Variants in PKNOX2 observed in about 807,000 individuals in gnomAD.
The protein encoded by PKNOX2 is homeobox protein PKNOX2.
Under a neutral mutation model 53.1 loss-of-function variants are expected in PKNOX2, and 14 were observed. The ratio of observed to expected loss-of-function variants is 0.26; its 90% CI spans 0.17 to 0.41. The LOEUF (loss-of-function observed/expected upper bound fraction) is 0.41. PKNOX2 is among the 10% of genes least tolerant of loss of function. The pLI, the probability that PKNOX2 is intolerant of heterozygous loss-of-function variation, is 1.00. For synonymous variants in PKNOX2, 257 were observed against 242.8 expected, an observed-to-expected ratio of 1.06 and a Z score of -0.54; for missense variants, 496 against 602.8, an observed-to-expected ratio of 0.82 and a Z score of 1.85.
chr11:125,351,304 C>T lies in PKNOX2; in HGVS notation c.-2C>T, dbSNP rs1171174156. The T allele has an allele frequency of 6.3e-7, 1 of 1,591,610 alleles. No individual in the cohort carries two copies. The highest frequency in any genetic ancestry group is 8.6e-7 in the Non-Finnish European group (1 of 1,161,944). Reference sequence around the variant, plus strand: ...CACAGGTCCTCCATGTGAATCAATCCCATGATGCAACATGCCTCCCCAGCC... The same window carrying T: ...CACAGGTCCTCCATGTGAATCAATCTCATGATGCAACATGCCTCCCCAGCC... On this transcript the variant is annotated 5_prime_UTR_variant, in exon 4 of 13. Coordinates refer to ENST00000298282, the MANE Select transcript of PKNOX2 (RefSeq NM_001382323.2).
intron 2 of PKNOX2, among the ~76,000 whole-genome samples, chr11:125,278,569 C>T (rs1946336377): frequency 6.6e-6 from 1 of 152,166 alleles, no homozygotes; most frequent in Admixed American, 6.5e-5. Context: ...GACTGAGGGC[C>T]TCGGGATGGC....
intron 10 of PKNOX2, among the ~76,000 whole-genome samples, chr11:125,418,584 C>T (rs942026329): frequency 6.6e-6 from 1 of 151,994 alleles, no homozygotes; most frequent in Non-Finnish European, 1.5e-5. Flanking sequence ...AAGGAGGGCA[C>T]GTGGAGGTGA....
chr11:125,397,830 A>G, intron 6 of PKNOX2, 44 bp from the exon 7 acceptor site: 1 of 1,555,956 alleles, frequency 6.4e-7, no homozygotes, highest in South Asian at 1.2e-5. Context: ...AGTGAGGGAA[A>G]TGGGATGCAA....
intron 2 of PKNOX2, among the ~76,000 whole-genome samples, chr11:125,284,469 A>G (rs1437543585): frequency 6.6e-6 from 1 of 152,240 alleles, no homozygotes; most frequent in African/African-American, 2.4e-5. Context: ...ATCGCCAGAG[A>G]ACCAACTTAA....
chr11:125,278,217 TA>T (rs530102994), intron 2 of PKNOX2, among the ~76,000 whole-genome samples: 3,313 of 82,840 alleles, frequency 0.04, 52 homozygotes, highest in African/African-American at 0.072. Flanking sequence ...AGACCCTGTC[TA>T]AAAAAAAAAA....
chr11:125,416,131 G>A (rs561544664), intron 10 of PKNOX2, among the ~76,000 whole-genome samples: 6 of 151,280 alleles, frequency 4.0e-5, no homozygotes, highest in East Asian at 1.9e-4. Context: ...GTGAAACCCC[G>A]TCTCTACTAA....
At chr11:125,260,433 G>A (rs563673192) in intron 2 of PKNOX2, among the ~76,000 whole-genome samples, 13 of 151,796 alleles carry the variant, frequency 8.6e-5, no homozygotes, top group Admixed American at 2.0e-4. Flanking sequence ...TCCTGACCTC[G>A]TGATCTGCCT....
At chr11:125,205,024 C>G (rs994340219) in intron 1 of PKNOX2, among the ~76,000 whole-genome samples, 3 of 152,238 alleles carry the variant, frequency 2.0e-5, no homozygotes, top group Non-Finnish European at 4.4e-5. Flanking sequence ...GGTAGGGACT[C>G]TTGCTGTTGC....
intron 4 of PKNOX2, among the ~76,000 whole-genome samples, chr11:125,359,111 G>A (rs1405685160): frequency 6.6e-6 from 1 of 151,826 alleles, no homozygotes; most frequent in Non-Finnish European, 1.5e-5. Flanking sequence ...CATCGGAAAG[G>A]CAGGAAGGTG....
intron 1 of PKNOX2, among the ~76,000 whole-genome samples, chr11:125,193,505 G>A (rs1237433804): frequency 2.6e-5 from 4 of 152,150 alleles, no homozygotes; most frequent in Non-Finnish European, 5.9e-5. Context: ...CAAGTTGGCC[G>A]CTTTAATTTA....
At chr11:125,247,768 G>C (rs1436770887) in intron 2 of PKNOX2, among the ~76,000 whole-genome samples, 1 of 152,136 alleles carries the variant, frequency 6.6e-6, no homozygotes, top group African/African-American at 2.4e-5. Flanking sequence ...CCAGCCTCAG[G>C]ATATGGGATC....
At chr11:125,397,151 A>G (rs888681792) in intron 6 of PKNOX2, among the ~76,000 whole-genome samples, 2 of 152,230 alleles carry the variant, frequency 1.3e-5, no homozygotes, top group Admixed American at 1.3e-4. Flanking sequence ...TTGAAGAGGC[A>G]GCAGGCTCCC....
At chr11:125,397,426 C>A (rs942961877) in intron 6 of PKNOX2, among the ~76,000 whole-genome samples, 3 of 152,232 alleles carry the variant, frequency 2.0e-5, no homozygotes, top group Non-Finnish European at 4.4e-5. Context: ...CATGTATACG[C>A]CCTCATACAA....
intron 2 of PKNOX2, among the ~76,000 whole-genome samples, chr11:125,279,367 G>C (rs1946398611): frequency 1.3e-5 from 2 of 152,180 alleles, no homozygotes; most frequent in African/African-American, 4.8e-5. Flanking sequence ...ACCTAGCGGG[G>C]AACATCAGAC....
intron 2 of PKNOX2, among the ~76,000 whole-genome samples, chr11:125,313,141 G>A (rs1948932176): frequency 6.6e-6 from 1 of 152,090 alleles, no homozygotes; most frequent in Admixed American, 6.5e-5. Context: ...GAAAGTAGAA[G>A]GTGAAAGAAG....
chr11:125,430,183 G>T (rs768503494), intron 12 of PKNOX2, 42 bp downstream of exon 12: 3 of 1,596,120 alleles, frequency 1.9e-6, no homozygotes, highest in Admixed American at 1.7e-5. Context: ...AGGGCTGGGG[G>T]TGCTCCTGGA....
intron 2 of PKNOX2, among the ~76,000 whole-genome samples, chr11:125,287,397 AG>A (rs1946974752): frequency 6.6e-6 from 1 of 152,240 alleles, no homozygotes; most frequent in South Asian, 2.1e-4. Flanking sequence ...GCAAAGACCA[AG>A]CCCCTTCACA....
At chr11:125,412,627 T>C (rs577782984) in intron 10 of PKNOX2, among the ~76,000 whole-genome samples, 2 of 151,802 alleles carry the variant, frequency 1.3e-5, no homozygotes, top group African/African-American at 4.8e-5. Flanking sequence ...CTGTGCTGAG[T>C]GTGTATGCGC....
intron 1 of PKNOX2, among the ~76,000 whole-genome samples, chr11:125,223,521 C>T (rs957312519): frequency 6.6e-5 from 10 of 152,190 alleles, no homozygotes; most frequent in African/African-American, 1.7e-4. Context: ...TGAGCCACCA[C>T]GCCCAGCCCT....
Sources: gnomAD v4.1 joint callset for allele counts (sites outside exome capture counted in the v4.1 genomes callset) on GRCh38, gnomAD v4.1.1 for gene constraint, MANE v1.5 for transcripts, NCBI Gene and HGNC (gene_info 2026-07-23, HGNC 2026-07-21) for gene names.